Variants in TJP1 observed in about 807,000 individuals in gnomAD.
TJP1 encodes tight junction protein 1.
A neutral mutation model predicts 194.2 loss-of-function variants in TJP1; 43 were observed. The observed-to-expected ratio is 0.22, with a 90% CI of 0.17 to 0.29. The LOEUF (loss-of-function observed/expected upper bound fraction) is 0.29. Among genes scored for constraint, TJP1 ranks in the 10% least tolerant of loss-of-function variants. The probability of loss-of-function intolerance (pLI) is 1.00; values close to 1 mark genes in which losing one functional copy is unlikely to be tolerated. For synonymous variants in TJP1, 801 were observed against 779.0 expected, an observed-to-expected ratio of 1.03 and a Z score of -0.47; for missense variants, 1,971 against 2,185.7, an observed-to-expected ratio of 0.90 and a Z score of 1.96.
chr15:29,906,492 T>TAAATAAAA (rs1398277710), intron 2 of TJP1, among the ~76,000 whole-genome samples: 1 of 149,596 alleles, frequency 6.7e-6, no homozygotes, highest in African/African-American at 2.5e-5. Context: ...AATAAATAAA[T>TAAATAAAA]AAATAAATAA....
intron 2 of TJP1, among the ~76,000 whole-genome samples, chr15:29,931,052 G>A (rs1211844115): frequency 6.6e-6 from 1 of 152,026 alleles, no homozygotes; most frequent in Non-Finnish European, 1.5e-5. Context: ...TTGACCAGAA[G>A]CCTTACCAAT....
chr15:29,904,957 C>T (rs995533930), intron 2 of TJP1, among the ~76,000 whole-genome samples: 5 of 152,210 alleles, frequency 3.3e-5, no homozygotes, highest in Admixed American at 6.5e-5. Context: ...CCGCCAGAAA[C>T]TAGGAAGAGG....
intron 2 of TJP1, among the ~76,000 whole-genome samples, chr15:29,953,824 G>C (rs2055844857): frequency 6.6e-6 from 1 of 152,172 alleles, no homozygotes; most frequent in Admixed American, 6.5e-5. Context: ...CCATTGCTGA[G>C]GAATGAAATG....
intron 2 of TJP1, among the ~76,000 whole-genome samples, chr15:29,788,238 T>C (rs1007959678): frequency 2.6e-5 from 4 of 152,222 alleles, no homozygotes; most frequent in African/African-American, 9.6e-5. Context: ...TTTGCAAGTA[T>C]CTTTTCCCAT....
chr15:29,957,706 T>C (rs2056000199), intron 1 of TJP1, among the ~76,000 whole-genome samples: 1 of 152,244 alleles, frequency 6.6e-6, no homozygotes. Flanking sequence ...TACCAAACCA[T>C]ACAGCAATGA....
rs891747447 is a variant in TJP1, at chr15:29,703,216, C to G, written c.5212+946G>C. Reference sequence around the variant, plus strand: ...CTGTAATCCCAGCACTCTGGGAGGCCGAGGCGGGTGGATCACTTTAAGTCA... The same window carrying G: ...CTGTAATCCCAGCACTCTGGGAGGCGGAGGCGGGTGGATCACTTTAAGTCA... On this transcript the variant is annotated intron_variant, in intron 27 of 27. Transcript: ENST00000614355. Among the ~76,000 whole-genome samples the G allele has an allele frequency of 3.3e-5, 5 of 152,064 alleles. No homozygotes were observed. In the East Asian group the frequency reaches 9.7e-4, roughly 29 times the overall value.
At chr15:29,930,269 A>C (rs1004671337) in intron 2 of TJP1, among the ~76,000 whole-genome samples, 1 of 152,190 alleles carries the variant, frequency 6.6e-6, no homozygotes, top group Non-Finnish European at 1.5e-5. Flanking sequence ...AAACCCAAAA[A>C]CCAAGCCAAA....
intron 2 of TJP1, among the ~76,000 whole-genome samples, chr15:29,835,950 T>C (rs542249116): frequency 6.6e-6 from 1 of 152,266 alleles, no homozygotes; most frequent in South Asian, 2.1e-4. Context: ...TACCTCTTAC[T>C]ACATGCCAGA....
At chr15:29,728,104 T>G in intron 15 of TJP1, 85 bp from the exon 16 acceptor site, 2 of 1,092,548 alleles carry the variant, frequency 1.8e-6, no homozygotes, top group Non-Finnish European at 2.8e-6. Context: ...ACAACTGATA[T>G]GCCGGACTGG....
chr15:29,965,774 A>G (rs2152326795), intron 1 of TJP1, among the ~76,000 whole-genome samples: 1 of 152,352 alleles, frequency 6.6e-6, no homozygotes, highest in South Asian at 2.1e-4. Context: ...ACTTAAGAAT[A>G]TGAAGTATTC....
chr15:29,917,148 A>G (rs895622723), intron 2 of TJP1, among the ~76,000 whole-genome samples: 2 of 152,208 alleles, frequency 1.3e-5, no homozygotes, highest in Non-Finnish European at 1.5e-5. Context: ...AAACAAAAGG[A>G]TACGACCTTG....
At chr15:29,953,517 T>C (rs937608557) in intron 2 of TJP1, among the ~76,000 whole-genome samples, 2 of 151,656 alleles carry the variant, frequency 1.3e-5, no homozygotes, top group Non-Finnish European at 2.9e-5. Flanking sequence ...TGCCCCTACA[T>C]ATTTTGGGTA....
chr15:29,963,685 C>T (rs1318060889), intron 1 of TJP1, among the ~76,000 whole-genome samples: 1 of 152,172 alleles, frequency 6.6e-6, no homozygotes, highest in Non-Finnish European at 1.5e-5. Flanking sequence ...GACTGAGTCT[C>T]GCTCTGTTGC....
At chr15:29,731,531 C>A (rs1345182416) in intron 15 of TJP1, among the ~76,000 whole-genome samples, 1 of 152,188 alleles carries the variant, frequency 6.6e-6, no homozygotes, top group African/African-American at 2.4e-5. Flanking sequence ...ATTTTCGTTT[C>A]ACTTCCTGAA....
At chr15:29,843,181 CTTTTCTTTTTTT>C (rs143997058) in intron 2 of TJP1, among the ~76,000 whole-genome samples, 65,779 of 146,574 alleles carry the variant, frequency 0.45, 14,686 homozygotes, top group Middle Eastern at 0.54. Flanking sequence ...TTTCTTTTTT[CTTTTCTTTTTTT>C]TTTTCTTTTT....
At chr15:29,777,304 C>T (rs767887536) in intron 2 of TJP1, among the ~76,000 whole-genome samples, 17 of 152,232 alleles carry the variant, frequency 1.1e-4, no homozygotes, top group Admixed American at 5.9e-4. Context: ...CAGTTTTAAC[C>T]GCCATTGTTT....
intron 4 of TJP1, among the ~76,000 whole-genome samples, chr15:29,766,766 T>C (rs2046356484): frequency 6.6e-6 from 1 of 152,048 alleles, no homozygotes; most frequent in Non-Finnish European, 1.5e-5. Flanking sequence ...TAAGAACGAG[T>C]GGGCCTAAAA....
chr15:29,843,505 A>T (rs1418093296), intron 2 of TJP1, among the ~76,000 whole-genome samples: 1 of 152,136 alleles, frequency 6.6e-6, no homozygotes, highest in African/African-American at 2.4e-5. Context: ...TGATTTTTCT[A>T]TCAATGCAAA....
intron 2 of TJP1, among the ~76,000 whole-genome samples, chr15:29,899,489 CAGA>C (rs1801885527): frequency 6.6e-6 from 1 of 152,126 alleles, no homozygotes; most frequent in African/African-American, 2.4e-5. Context: ...TTCAGATGGG[CAGA>C]AGATGTGGTG....
Sources: gnomAD v4.1 joint callset for allele counts (sites outside exome capture counted in the v4.1 genomes callset) on GRCh38, gnomAD v4.1.1 for gene constraint, MANE v1.5 for transcripts, NCBI Gene and HGNC (gene_info 2026-07-23, HGNC 2026-07-21) for gene names.